The following PLXNC1 variants were observed in gnomAD, a reference collection of about 807,000 sequenced individuals.
PLXNC1 encodes the protein plexin-C1.
A neutral mutation model predicts 178.2 loss-of-function variants in PLXNC1; 75 were observed. The observed-to-expected ratio is 0.42, with a 90% CI of 0.35 to 0.51. The LOEUF is 0.51. PLXNC1 is among the 20% of genes least tolerant of loss of function. PLXNC1 has a pLI of 0.02. For synonymous variants in PLXNC1, 790 were observed against 779.9 expected (o/e 1.01, Z -0.22); for missense variants, 1,503 against 1,984.4 (o/e 0.76, Z 4.61).
In PLXNC1 at chr12:94,260,519, A is replaced by C. The variant is rs1964965439; in HGVS notation, c.3252-123A>C. 2 of 602,672 alleles carry C rather than the reference A, an allele frequency of 3.3e-6. No individual in the cohort carries two copies. Among genetic ancestry groups the C allele is most frequent in the Admixed American group, 7.1e-5 (2 of 28,012 alleles). 37.3% of individuals were successfully genotyped at this position (602,672 alleles called of 1,614,324 possible). The stretch of plus-strand genomic sequence containing the variant: ...TTAGAATCTAAACATTAAAAAAAAA[A>C]AAAAAAAAGCTCCCAACCCAACAGG... On this transcript the variant is annotated intron_variant, in intron 19 of 30. Coordinates refer to ENST00000258526, the MANE Select transcript of PLXNC1 (RefSeq NM_005761.3). This position sits in a 1 kb window ranked among gnomAD's most constrained non-coding sequence, Gnocchi z 4.4.
chr12:94,273,902 A>G (rs1965740406), intron 21 of PLXNC1, among the ~76,000 whole-genome samples: 2 of 152,100 alleles, frequency 1.3e-5, no homozygotes. Context: ...AGGAGCTCCA[A>G]GCCGGTCCCT....
chr12:94,210,369 A>T (rs1329768459), intron 5 of PLXNC1, among the ~76,000 whole-genome samples: 1 of 152,212 alleles, frequency 6.6e-6, no homozygotes, highest in Non-Finnish European at 1.5e-5. Flanking sequence ...GCCCTACGGA[A>T]AAAGGGAATT....
chr12:94,306,740 T>TG lies in PLXNC1; in HGVS notation c.*1455_*1456insG, dbSNP rs1969061944. 6.6e-6 allele frequency: 1 copy of TG among 152,176 alleles called. No individual in the cohort carries two copies. Among genetic ancestry groups the TG allele is most frequent in the South Asian group, 2.1e-4 (1 of 4,826 alleles). The allele number at this position is 152,176 out of a possible 1,614,324, so 9.4% of individuals were successfully genotyped here. The stretch of plus-strand genomic sequence containing the variant: ...AATATGAATTTGTCTTAAAGGCAAT[T>TG]CCTTTTTGCTTCTGTATTATCTGGA... On this transcript the variant is annotated 3_prime_UTR_variant, in exon 31 of 31. Transcript: ENST00000258526.
At chr12:94,212,613 A>T (rs1375680857) in intron 5 of PLXNC1, among the ~76,000 whole-genome samples, 3 of 151,406 alleles carry the variant, frequency 2.0e-5, no homozygotes, top group Non-Finnish European at 4.4e-5. Flanking sequence ...GCTGAGAATG[A>T]TGGTTTCCAG....
chr12:94,256,843 CCAAA>C (rs1964857256), intron 17 of PLXNC1, among the ~76,000 whole-genome samples: 1 of 70,926 alleles, frequency 1.4e-5, no homozygotes. Flanking sequence ...TTGAGTGTTT[CCAAA>C]AAAAAAAAAA....
chr12:94,176,571 T>A (rs1962057960), intron 2 of PLXNC1, among the ~76,000 whole-genome samples: 1 of 152,216 alleles, frequency 6.6e-6, no homozygotes, highest in Admixed American at 6.5e-5. Flanking sequence ...TCACTCACCC[T>A]CAAGGATTTT....
At chr12:94,188,543 C>T (rs1035415925) in intron 4 of PLXNC1, among the ~76,000 whole-genome samples, 1 of 152,004 alleles carries the variant, frequency 6.6e-6, no homozygotes, top group African/African-American at 2.4e-5. Context: ...AGGTTGGTCT[C>T]GAACTCCTGA....
At chr12:94,261,831 T>C (rs1308816049) in intron 20 of PLXNC1, among the ~76,000 whole-genome samples, 1 of 151,366 alleles carries the variant, frequency 6.6e-6, no homozygotes, top group Admixed American at 6.6e-5. Flanking sequence ...CTGTGCTTAG[T>C]TTAATGTTTA....
At chr12:94,255,114 CTG>C in intron 16 of PLXNC1, 77 bp from the exon 17 acceptor site, 1 of 1,153,448 alleles carries the variant, frequency 8.7e-7, no homozygotes, top group East Asian at 2.3e-5. Flanking sequence ...AGGTCATACT[CTG>C]TGTTAGACAA....
At position 94,260,787 on chromosome 12, in the gene PLXNC1, G is replaced by C. The variant is rs1964971866; in HGVS notation, c.3397G>C (p.Val1133Leu). The C allele has an allele frequency of 6.2e-7, 1 of 1,614,066 alleles. No individual in the cohort carries two copies. Among genetic ancestry groups the C allele is most frequent in the Admixed American group, 1.7e-5 (1 of 60,002 alleles). Residue 1133 changes from valine (V) to leucine (L), a missense_variant, in exon 20 of 31, where the codon GTC becomes CTC. Physicochemically the swap from Val to Leu is conservative, Grantham distance 32. Around this residue, in one of 4 missense-constraint regions of PLXNC1, gnomAD observed 639 missense variants for 979.7 expected, o/e 0.65. Transcript: ENST00000258526. The surrounding 1 kb of genome is among the most constrained non-coding windows in gnomAD (Gnocchi z 4.4). ...CATGCTGAGACGCACGGAGTCCGTC[G>C]TCGAAAAACTCCTCACAAACTGGAT... ...KLMLRRTESVVEKLLTNWMSV... is the reference protein window; with the variant it reads ...KLMLRRTESVLEKLLTNWMSV...
Position 94,279,583 on chromosome 12 carries a change from A to C in PLXNC1, c.3709A>C (p.Ile1237Leu), listed in dbSNP as rs1352362731. ...CDTIGQAKEK[I>L]FQAFLSKNGS... is the part of the protein sequence containing the mutation. ...CACCATTGGCCAAGCCAAAGAAAAG[A>C]TTTTCCAAGCATTCTTAAGCAAAAA... The change falls in exon 22 of 31, where the codon ATT (isoleucine) becomes CTT (leucine). Residue 1237 changes from isoleucine (I) to leucine (L), a missense_variant. This residue lies in a region of PLXNC1 where 639 missense variants were observed against 979.7 expected (regional missense o/e 0.65). Transcript: ENST00000258526. 1.9e-6 allele frequency: 3 copies of C among 1,614,186 alleles called. No individual in the cohort carries two copies. The highest frequency in any genetic ancestry group is 2.5e-6 in the Non-Finnish European group (3 of 1,180,028).
chr12:94,265,372 A>C, intron 21 of PLXNC1, 147 bp downstream of exon 21: 1 of 653,096 alleles, frequency 1.5e-6, no homozygotes, highest in Admixed American at 2.6e-5. Flanking sequence ...GTAGTTGATA[A>C]AACTGTTAAC....
intron 4 of PLXNC1, among the ~76,000 whole-genome samples, chr12:94,191,064 A>G (rs139220324): frequency 2.2e-4 from 33 of 152,368 alleles, no homozygotes; most frequent in Non-Finnish European, 4.4e-4. Flanking sequence ...TCAGAAAAAC[A>G]TAAGTTAAAT....
intron 1 of PLXNC1, among the ~76,000 whole-genome samples, chr12:94,162,544 A>G (rs1961422227): frequency 6.6e-6 from 1 of 152,200 alleles, no homozygotes; most frequent in Admixed American, 6.5e-5. Flanking sequence ...CACTTTGGCT[A>G]CTGGACAGAG....
chr12:94,297,618 C>A (rs1313342807), intron 26 of PLXNC1, among the ~76,000 whole-genome samples, 195 bp downstream of exon 26: 1 of 152,216 alleles, frequency 6.6e-6, no homozygotes, highest in Non-Finnish European at 1.5e-5. Context: ...CAGCACTTTA[C>A]AGATTTGTAC....
At chr12:94,216,537 C>T (rs1340360596) in intron 5 of PLXNC1, among the ~76,000 whole-genome samples, 1 of 152,090 alleles carries the variant, frequency 6.6e-6, no homozygotes, top group Non-Finnish European at 1.5e-5. Context: ...TTGGTGATGC[C>T]AATTAGCACA....
rs538048142 is a variant in PLXNC1, at chr12:94,212,722, CT to C, written c.1554+3033del. On this transcript the variant is annotated intron_variant, in intron 5 of 30. Transcript: ENST00000258526. ...GCCACATTTTCTTTTCTTTTCTTTT[CT>C]TTTTTTTTTTTTTTGAGATGGAGTC... Among the ~76,000 whole-genome samples, 870 of 136,140 alleles carry C rather than the reference CT, an allele frequency of 6.4e-3. 8 individuals carry two copies. The highest frequency in any genetic ancestry group is 0.02 in the African/African-American group (723 of 36,818). The allele number at this position is 136,140 out of a possible 152,430, so 89.3% of individuals were successfully genotyped here.
chr12:94,181,618 A>G, intron 3 of PLXNC1, 38 bp downstream of exon 3: 2 of 1,540,174 alleles, frequency 1.3e-6, no homozygotes, highest in Non-Finnish European at 1.8e-6. Context: ...TGATTTATGA[A>G]TAAAAATGGT....
Position 94,260,569 on chromosome 12 carries a change from C to A in PLXNC1, c.3252-73C>A. ...GCCAGCTCCCTGCCCTGCCAGTGAG[C>A]TTCCATGGAAACTCCCATGGGTGTC... On this transcript the variant is annotated intron_variant, in intron 19 of 30. Transcript: ENST00000258526. This position sits in a 1 kb window ranked among gnomAD's most constrained non-coding sequence, Gnocchi z 4.4. 9.2e-7 allele frequency: 1 copy of A among 1,085,972 alleles called. No individual in the cohort carries two copies. The highest frequency in any genetic ancestry group is 1.4e-6 in the Non-Finnish European group (1 of 738,066). 67.3% of individuals were successfully genotyped at this position (1,085,972 alleles called of 1,614,324 possible). A position where few individuals can be genotyped will look rare whatever the true frequency, so the allele number is the denominator to read the frequency against.
Sources: gnomAD v4.1 joint callset for allele counts (sites outside exome capture counted in the v4.1 genomes callset) on GRCh38, gnomAD v4.1.1 for gene constraint, gnomAD v4.1.1 regional missense constraint, Gnocchi (gnomAD v3.1) non-coding constraint, MANE v1.5 for transcripts, NCBI Gene and HGNC (gene_info 2026-07-23, HGNC 2026-07-21) for gene names.